PTK2: variants seen among roughly 807,000 people sequenced by gnomAD.
The protein encoded by PTK2 is protein tyrosine kinase 2.
In PTK2, 45 loss-of-function variants were observed where a neutral mutation model predicts 150.1. That is an observed-to-expected ratio of 0.30 (90% CI 0.24 to 0.38). The LOEUF is 0.38. Among genes scored for constraint, PTK2 ranks in the 10% least tolerant of loss-of-function variants. The probability of loss-of-function intolerance (pLI) is 1.00; values close to 1 mark genes in which losing one functional copy is unlikely to be tolerated. For missense variants in PTK2, 919 were observed against 1,307.3 expected, an observed-to-expected ratio of 0.70 and a Z score of 4.58; for synonymous variants, 432 against 449.2, an observed-to-expected ratio of 0.96 and a Z score of 0.48.
chr8:140,978,052 C>T (rs1197318903), intron 1 of PTK2, among the ~76,000 whole-genome samples: 5 of 152,104 alleles, frequency 3.3e-5, no homozygotes, highest in Non-Finnish European at 5.9e-5. Flanking sequence ...AACTGGCTAG[C>T]CATATGTAGA....
intron 1 of PTK2, among the ~76,000 whole-genome samples, chr8:140,955,946 T>C (rs1416604072): frequency 4.6e-5 from 7 of 152,132 alleles, no homozygotes; most frequent in Admixed American, 4.6e-4. Context: ...GACAGAAGAC[T>C]GGGGGCTCTC....
chr8:140,887,338 G>C (rs560474688), intron 3 of PTK2, among the ~76,000 whole-genome samples: 1 of 152,282 alleles, frequency 6.6e-6, no homozygotes, highest in South Asian at 2.1e-4. Flanking sequence ...CTGTACCCAA[G>C]ATCTCCAGAT....
At chr8:140,746,604 T>C in intron 18 of PTK2, 156 bp downstream of exon 21, 2 of 533,820 alleles carry the variant, frequency 3.7e-6, no homozygotes, top group South Asian at 5.8e-5. Context: ...GATGAAGATA[T>C]TTATACCCAT....
At chr8:140,752,506 G>T (rs1037997298) in intron 16 of PTK2, among the ~76,000 whole-genome samples, 190 bp from the exon 20 acceptor site, 6 of 152,190 alleles carry the variant, frequency 3.9e-5, no homozygotes, top group African/African-American at 9.7e-5. Flanking sequence ...AAATGGTCAT[G>T]CACGTGAAAC....
rs191317787 is a variant in PTK2, at chr8:140,812,847, A to T, written c.867+5430T>A. Among the ~76,000 whole-genome samples the T allele has an allele frequency of 3.3e-5, 5 of 152,218 alleles. No homozygotes were observed. The East Asian group carries it at 9.7e-4, about 29-fold the overall frequency. On this transcript the variant is annotated intron_variant, in intron 10 of 31. Coordinates refer to ENST00000522684, the Ensembl canonical transcript of PTK2. The stretch of plus-strand genomic sequence containing the variant: ...GAAGGCCTAACTATCCTAAATATAT[A>T]AAAAAACCAAACAGCAGCACTCATT...
intron 1 of PTK2, among the ~76,000 whole-genome samples, chr8:140,994,317 G>A (rs889140229): frequency 6.6e-6 from 1 of 152,132 alleles, no homozygotes; most frequent in Non-Finnish European, 1.5e-5. Flanking sequence ...TGCAAATCAA[G>A]CTACAATTAA....
chr8:140,822,491 TG>T (rs1358779969), intron 8 of PTK2: 1 of 152,116 alleles, frequency 6.6e-6, no homozygotes, highest in Non-Finnish European at 1.5e-5. Flanking sequence ...CATATATTAC[TG>T]AGCAAACAGA....
chr8:140,727,533 T>C (rs2100046609), intron 22 of PTK2, among the ~76,000 whole-genome samples: 1 of 151,672 alleles, frequency 6.6e-6, no homozygotes, highest in Admixed American at 6.6e-5. Context: ...AAGGAGGAAT[T>C]TAGACACCAC....
intron 27 of PTK2, among the ~76,000 whole-genome samples, chr8:140,680,586 G>A (rs2153560497): frequency 6.6e-6 from 1 of 152,134 alleles, no homozygotes; most frequent in East Asian, 1.9e-4. Context: ...GCCACACACT[G>A]GAACACAAAG....
chr8:140,931,883 T>C (rs1040251600), intron 1 of PTK2, among the ~76,000 whole-genome samples: 20 of 134,622 alleles, frequency 1.5e-4, no homozygotes, highest in Non-Finnish European at 2.4e-4. Flanking sequence ...TAATGAGCCA[T>C]GATTGGGCCA....
At chr8:140,996,131 T>A (rs929647371) in intron 1 of PTK2, among the ~76,000 whole-genome samples, 6 of 152,218 alleles carry the variant, frequency 3.9e-5, no homozygotes, top group African/African-American at 1.4e-4. Flanking sequence ...ATTGTTGATA[T>A]GGAGAAAGTT....
chr8:140,960,048 A>C (rs944297635), intron 1 of PTK2, among the ~76,000 whole-genome samples: 10 of 151,914 alleles, frequency 6.6e-5, no homozygotes, highest in East Asian at 1.9e-4. Context: ...ACAACAACAA[A>C]AAAAACCTAC....
At chr8:140,820,500 G>A (rs1303223433) in intron 8 of PTK2, 3 of 152,662 alleles carry the variant, frequency 2.0e-5, no homozygotes, top group Non-Finnish European at 4.4e-5. Context: ...ATCCAGGCAG[G>A]AGGAGACAGA....
At chr8:140,686,515 A>G (rs2100019954) in intron 27 of PTK2, 117 bp downstream of exon 30, 3 of 843,294 alleles carry the variant, frequency 3.6e-6, no homozygotes, top group Admixed American at 5.0e-5. Context: ...TTAACTTTAT[A>G]GAATATTCTG....
intron 22 of PTK2, among the ~76,000 whole-genome samples, chr8:140,720,948 G>A (rs1487780750): frequency 1.3e-5 from 2 of 152,000 alleles, no homozygotes; most frequent in Non-Finnish European, 2.9e-5. Flanking sequence ...GTAGAGATGG[G>A]GTTTTACCAT....
At chr8:140,673,472 C>G (rs1323699000) in intron 29 of PTK2, among the ~76,000 whole-genome samples, 2 of 152,116 alleles carry the variant, frequency 1.3e-5, no homozygotes, top group Non-Finnish European at 2.9e-5. Flanking sequence ...ACCAAAACAC[C>G]ATCCCAATTT....
intron 5 of PTK2, among the ~76,000 whole-genome samples, chr8:140,850,796 G>C (rs10105905): frequency 0.42 from 64,490 of 152,036 alleles, 15,376 homozygotes; most frequent in Non-Finnish European, 0.55. Flanking sequence ...TATTGTATTT[G>C]TATCAAGGAG....
intron 2 of PTK2, among the ~76,000 whole-genome samples, chr8:140,891,290 C>G (rs1047903782): frequency 6.6e-6 from 1 of 151,974 alleles, no homozygotes; most frequent in Non-Finnish European, 1.5e-5. Flanking sequence ...ACAGGAGAAT[C>G]AGACAGACAG....
intron 14 of PTK2, among the ~76,000 whole-genome samples, chr8:140,772,312 C>G (rs1176074735): frequency 8.5e-5 from 13 of 152,084 alleles, no homozygotes; most frequent in Admixed American, 8.5e-4. Context: ...ACCCGTGGGC[C>G]CAGCTATTGA....
Sources: gnomAD v4.1 joint callset for allele counts (sites outside exome capture counted in the v4.1 genomes callset) on GRCh38, gnomAD v4.1.1 for gene constraint, MANE v1.5 for transcripts, NCBI Gene and HGNC (gene_info 2026-07-23, HGNC 2026-07-21) for gene names.